The following ATP12A variants were observed in gnomAD, a reference collection of about 807,000 sequenced individuals.
ATP12A encodes the protein ATPase H+/K+ transporting non-gastric alpha2 subunit.
Under a neutral mutation model 111.2 loss-of-function variants are expected in ATP12A, and 81 were observed. The ratio of observed to expected loss-of-function variants is 0.73; its 90% CI spans 0.61 to 0.88. The LOEUF (loss-of-function observed/expected upper bound fraction) is 0.88, where lower values mean the gene tolerates loss of function less well. Among genes scored for constraint, ATP12A ranks in the 40% least tolerant of loss-of-function variants. The probability of loss-of-function intolerance (pLI) is 0.00; values close to 1 mark genes in which losing one functional copy is unlikely to be tolerated. For missense variants in ATP12A, 1,196 were observed against 1,313.1 expected (o/e 0.91, Z 1.38); for synonymous variants, 498 against 499.8 (o/e 1.00, Z 0.05).
Position 24,706,352 on chromosome 13 carries a change from G to A in ATP12A, c.2058G>A (p.Lys686=). The change falls in exon 15 of 23, where the codon AAG becomes AAA. Residue 686 remains lysine (K), a synonymous_variant. Coordinates refer to ENST00000381946, the MANE Select transcript of ATP12A (RefSeq NM_001676.7). ...CTGTGGTGACTGGCATGGAGCTGAA[G>A]GACATGAGCTCAGAACAGCTGGATG... ...KAAVVTGMEL[K]DMSSEQLDEI... is the part of the protein sequence containing the mutation. 6.2e-7 allele frequency: 1 copy of A among 1,614,242 alleles called. No individual in the cohort carries two copies. Among genetic ancestry groups the A allele is most frequent in the Non-Finnish European group, 8.5e-7 (1 of 1,180,032 alleles).
At chr13:24,690,562 A>G in intron 6 of ATP12A, 42 bp from the exon 7 acceptor site, 1 of 1,602,558 alleles carries the variant, frequency 6.2e-7, no homozygotes, top group Non-Finnish European at 8.5e-7. Flanking sequence ...GAGGCAGGGA[A>G]TGAGGTACCC....
chr13:24,694,585 T>G lies in ATP12A; in HGVS notation c.1512+7T>G. On this transcript the variant is annotated splice_region_variant and intron_variant, in intron 11 of 22. Transcript: ENST00000381946. ...CTCTACTAATAAATTTCAGGTGAGT[T>G]TTTCCTCACAACCGGTAATCTCTGT... is the stretch of plus-strand genomic sequence containing the variant. 2 of 1,612,324 alleles carry G rather than the reference T, an allele frequency of 1.2e-6. No homozygotes were observed. The highest frequency in any genetic ancestry group is 1.1e-5 in the South Asian group (1 of 90,948).
At chr13:24,689,194 C>T in intron 4 of ATP12A, 68 bp from the exon 5 acceptor site, 1 of 1,268,958 alleles carries the variant, frequency 7.9e-7, no homozygotes, top group Non-Finnish European at 1.2e-6. Flanking sequence ...CCGTGGAGAG[C>T]TCTAGCCCCA....
chr13:24,708,964 G>GAAAGAAAGGAAGAAAGAAA (rs1566078416), intron 17 of ATP12A, among the ~76,000 whole-genome samples: 2 of 114,822 alleles, frequency 1.7e-5, no homozygotes, highest in African/African-American at 6.6e-5. Flanking sequence ...AAAGAAAGAA[G>GAAAGAAAGGAAGAAAGAAA]GAAAGAGAAA....
intron 14 of ATP12A, among the ~76,000 whole-genome samples, chr13:24,702,735 C>T (rs1433069287): frequency 1.3e-5 from 2 of 152,168 alleles, no homozygotes; most frequent in African/African-American, 4.8e-5. Flanking sequence ...GCAAACTGAA[C>T]AATACTATCC....
At chr13:24,682,391 TG>T (rs1182923862) in intron 2 of ATP12A, among the ~76,000 whole-genome samples, 2 of 118,682 alleles carry the variant, frequency 1.7e-5, no homozygotes, top group Non-Finnish European at 3.7e-5. Context: ...GTGTGGTGTG[TG>T]GTGTGTGTAT....
intron 3 of ATP12A, among the ~76,000 whole-genome samples, chr13:24,686,498 T>C (rs1205238490): frequency 6.7e-6 from 1 of 150,184 alleles, no homozygotes; most frequent in African/African-American, 2.5e-5. Flanking sequence ...CCCAGCACTT[T>C]AGGAGGCCAA....
Position 24,680,570 on chromosome 13 carries a change from T to G in ATP12A, c.-174T>G. The stretch of plus-strand genomic sequence containing the variant: ...GGTGCCACCTCCCCGGTGCAGCGGC[T>G]GGCGATCGGCCGCGGAGGTGCGTGC... On this transcript the variant is annotated 5_prime_UTR_variant, in exon 1 of 23. Transcript: ENST00000381946. 1 of 630,464 alleles carries G rather than the reference T, an allele frequency of 1.6e-6. No homozygotes were observed. The highest frequency in any genetic ancestry group is 3.5e-5 in the East Asian group (1 of 28,182). 39.1% of individuals were successfully genotyped at this position (630,464 alleles called of 1,614,324 possible).
chr13:24,680,869 G>T (rs1009357037), intron 1 of ATP12A, 117 bp downstream of exon 1: 9 of 1,367,612 alleles, frequency 6.6e-6, no homozygotes, highest in Non-Finnish European at 8.5e-6. Flanking sequence ...CCCGTCCCGG[G>T]GCAAGGGGAG....
Position 24,710,941 on chromosome 13 carries a change from G to A in ATP12A, c.2999+48G>A, listed in dbSNP as rs764530539. On this transcript the variant is annotated intron_variant, in intron 21 of 22. Coordinates refer to ENST00000381946, the MANE Select transcript of ATP12A (RefSeq NM_001676.7). ...GGAGGAAAGAGCCAGCCTCTGCTTT[G>A]AGCTGTCGCAGCCTAAATAAACCTG... 4 of 1,542,974 alleles carry A rather than the reference G, an allele frequency of 2.6e-6. No individual in the cohort carries two copies. The African/African-American group carries it at 4.1e-5, about 16-fold the overall frequency.
At chr13:24,682,558 G>T (rs8001545) in intron 2 of ATP12A, among the ~76,000 whole-genome samples, 118 of 152,272 alleles carry the variant, frequency 7.7e-4, no homozygotes, top group Non-Finnish European at 1.2e-3. Context: ...CTCTCTCCCC[G>T]CAGCTGCTTC....
intron 17 of ATP12A, among the ~76,000 whole-genome samples, chr13:24,708,999 C>A (rs959766156): frequency 6.7e-6 from 1 of 149,894 alleles, no homozygotes; most frequent in Non-Finnish European, 1.5e-5. Flanking sequence ...AATTCTCTGG[C>A]CCCAGCCCAG....
At chr13:24,697,091 G>A (rs1875199152) in intron 11 of ATP12A, among the ~76,000 whole-genome samples, 1 of 152,188 alleles carries the variant, frequency 6.6e-6, no homozygotes, top group Admixed American at 6.5e-5. Context: ...GGACTCTGGA[G>A]CCTGCTAGCC....
At chr13:24,687,179 G>A (rs1874702622) in intron 3 of ATP12A, among the ~76,000 whole-genome samples, 1 of 152,122 alleles carries the variant, frequency 6.6e-6, no homozygotes, top group Admixed American at 6.5e-5. Flanking sequence ...GACCAAGACT[G>A]GCCTGTCATG....
intron 17 of ATP12A, among the ~76,000 whole-genome samples, chr13:24,708,944 A>AG (rs1566078308): frequency 0.015 from 2,234 of 146,088 alleles, 86 homozygotes; most frequent in African/African-American, 0.047. Flanking sequence ...AAAGAAAGAA[A>AG]GAAAGAAAGA....
rs1425448814 is a variant in ATP12A, at chr13:24,711,489, T to A, written c.3092-5T>A. ...TTTCTGATGTACTTTTTTCTACCTCTACAGGCTGGTGGGATAAGAACATGT... is the reference window on the plus strand; with the variant it reads ...TTTCTGATGTACTTTTTTCTACCTCAACAGGCTGGTGGGATAAGAACATGT... On this transcript the variant is annotated splice_region_variant and splice_polypyrimidine_tract_variant and intron_variant, in intron 22 of 22. Transcript: ENST00000381946. The A allele has an allele frequency of 1.2e-6, 2 of 1,614,084 alleles. No individual in the cohort carries two copies. The highest frequency in any genetic ancestry group is 2.7e-5 in the African/African-American group (2 of 74,926).
chr13:24,688,240 C>G (rs1223035659), intron 3 of ATP12A, 79 bp from the exon 4 acceptor site: 25 of 1,473,394 alleles, frequency 1.7e-5, no homozygotes, highest in Non-Finnish European at 2.2e-5. Context: ...CAAAAATATG[C>G]AGCCCAACCC....
intron 11 of ATP12A, among the ~76,000 whole-genome samples, chr13:24,698,147 A>T (rs574499107): frequency 8.5e-5 from 13 of 152,234 alleles, no homozygotes; most frequent in African/African-American, 3.1e-4. Flanking sequence ...CTGAAACATT[A>T]TACGTGGAAG....
At chr13:24,688,625 A>G in intron 4 of ATP12A, 103 bp downstream of exon 4, 1 of 1,160,688 alleles carries the variant, frequency 8.6e-7, no homozygotes. Flanking sequence ...GGTGTGGGAA[A>G]GTCAGGCATT....
Sources: allele counts gnomAD v4.1 joint callset (sites outside exome capture counted in the v4.1 genomes callset), GRCh38; gene constraint gnomAD v4.1.1; transcripts MANE v1.5; gene names NCBI Gene and HGNC (gene_info 2026-07-23, HGNC 2026-07-21).